TMCO4: variants seen among roughly 807,000 people sequenced by gnomAD.
The protein encoded by TMCO4 is transmembrane and coiled-coil domain-containing protein 4.
In TMCO4, 58 loss-of-function variants were observed where a neutral mutation model predicts 64.7. The ratio of observed to expected loss-of-function variants is 0.90; its 90% confidence interval spans 0.73 to 1.12. The LOEUF (loss-of-function observed/expected upper bound fraction) is 1.12, where lower values mean the gene tolerates loss of function less well. Among genes scored for constraint, TMCO4 ranks in the 50% most tolerant of loss-of-function variants. The probability of loss-of-function intolerance (pLI) is 0.00; values close to 1 mark genes in which losing one functional copy is unlikely to be tolerated. For synonymous variants in TMCO4, 325 were observed against 346.1 expected (o/e 0.94, Z 0.68); for missense variants, 780 against 825.9 (o/e 0.94, Z 0.68).
Position 19,750,425 on chromosome 1 carries a change from G to A in TMCO4, c.516-3165C>T, listed in dbSNP as rs556708588. ...GCTCAGCTCTGCCATGAACTTGCTG[G>A]ATCATCTAATTTTTCTGAGTGTTGA... On this transcript the variant is annotated intron_variant, in intron 7 of 15. Transcript: ENST00000294543. 3 of 152,286 alleles carry A rather than the reference G, an allele frequency of 2.0e-5. No individual in the cohort carries two copies. The East Asian group carries it at 5.8e-4, about 29-fold the overall frequency. 9.4% of individuals were successfully genotyped at this position (152,286 alleles called of 1,614,324 possible). A position where few individuals can be genotyped will look rare whatever the true frequency, so the allele number is the denominator to read the frequency against.
At chr1:19,762,299 A>C (rs1359208447) in intron 6 of TMCO4, among the ~76,000 whole-genome samples, 1 of 152,180 alleles carries the variant, frequency 6.6e-6, no homozygotes, top group East Asian at 1.9e-4. Context: ...AGGCACACCT[A>C]AAAGTTACGT....
At position 19,694,470 on chromosome 1, in the gene TMCO4, C is replaced by T. The variant is rs758645418; in HGVS notation, c.1464G>A (p.Gln488=). 6.2e-7 allele frequency: 1 copy of T among 1,614,054 alleles called. No individual in the cohort carries two copies. Among genetic ancestry groups the T allele is most frequent in the East Asian group, 2.2e-5 (1 of 44,900 alleles). ...GGTCCACGTTCTCCACCCTCCTGTC[C>T]TGCAGCAGCACGGGCTGTAGGCCGG... The part of the protein sequence containing the change: ...RVAGLQPVLL[Q]DRRVENVDLT... The change falls in exon 15 of 16, where the codon CAG becomes CAA. Residue 488 remains glutamine, a synonymous_variant. Coordinates refer to ENST00000294543, the MANE Select transcript of TMCO4 (RefSeq NM_181719.7).
rs2042215974 is a variant in TMCO4, at chr1:19,755,633, C to T, written c.515+1G>A. On this transcript the variant is annotated splice_donor_variant, in intron 7 of 15. Transcript: ENST00000294543. LOFTEE classifies it high-confidence loss of function. ...TGATGGGGGTCGCGGGGCTCTCTTACTCAGATTCCTCTTCTTTGATTTCCT... is the reference window on the plus strand; with the variant it reads ...TGATGGGGGTCGCGGGGCTCTCTTATTCAGATTCCTCTTCTTTGATTTCCT... 6.2e-7 allele frequency: 1 copy of T among 1,613,878 alleles called. No homozygotes were observed. Among genetic ancestry groups the T allele is most frequent in the South Asian group, 1.1e-5 (1 of 91,076 alleles).
At chr1:19,703,751 T>C (rs1284504429) in intron 13 of TMCO4, among the ~76,000 whole-genome samples, 1 of 152,088 alleles carries the variant, frequency 6.6e-6, no homozygotes, top group East Asian at 1.9e-4. Flanking sequence ...TTTCACCACG[T>C]TGGCCAGGCT....
chr1:19,747,403 C>A, intron 7 of TMCO4, 143 bp from the exon 8 acceptor site: 1 of 727,628 alleles, frequency 1.4e-6, no homozygotes, highest in South Asian at 1.6e-5. Context: ...ACCTTGAGCC[C>A]ACTGATGGTT....
At chr1:19,755,983 A>G (rs1211604317) in intron 6 of TMCO4, among the ~76,000 whole-genome samples, 2 of 152,080 alleles carry the variant, frequency 1.3e-5, no homozygotes, top group Admixed American at 1.3e-4. Context: ...ACGGTGGCTC[A>G]CTCCTGTAAT....
rs903304273 is a variant in TMCO4, at chr1:19,734,722, G to T, written c.1264+2650C>A. ...TGGAATGCCCTGCCCTAGTCCAGCTGCCGTCTGCCAAATACAGCATAGTGG... is the reference window on the plus strand; with the variant it reads ...TGGAATGCCCTGCCCTAGTCCAGCTTCCGTCTGCCAAATACAGCATAGTGG... On this transcript the variant is annotated intron_variant, in intron 13 of 15. Coordinates refer to ENST00000294543, the MANE Select transcript of TMCO4 (RefSeq NM_181719.7). The surrounding 1 kb of genome is among the most constrained non-coding windows in gnomAD (Gnocchi z 4.4). Among the ~76,000 whole-genome samples the T allele has an allele frequency of 1.3e-5, 2 of 152,136 alleles. No homozygotes were observed. Among genetic ancestry groups the T allele is most frequent in the African/African-American group, 4.8e-5 (2 of 41,436 alleles).
chr1:19,723,071 T>A (rs1338215950), intron 13 of TMCO4, among the ~76,000 whole-genome samples: 3 of 152,224 alleles, frequency 2.0e-5, no homozygotes, highest in Non-Finnish European at 4.4e-5. Flanking sequence ...GGCAAGTCGC[T>A]GGAGGAGGTT....
intron 7 of TMCO4, among the ~76,000 whole-genome samples, chr1:19,747,668 T>A (rs2041852511): frequency 6.6e-6 from 1 of 151,902 alleles, no homozygotes; most frequent in Admixed American, 6.6e-5. Flanking sequence ...CCCACCTCCC[T>A]CTGGGATATT....
chr1:19,791,320 A>C (rs2044023153), intron 2 of TMCO4, among the ~76,000 whole-genome samples: 1 of 151,148 alleles, frequency 6.6e-6, no homozygotes, highest in Admixed American at 6.6e-5. Flanking sequence ...TAAAATTAAA[A>C]TTAAAATTAA....
At chr1:19,780,403 C>G (rs1318776774) in intron 4 of TMCO4, among the ~76,000 whole-genome samples, 177 bp downstream of exon 4, 2 of 152,204 alleles carry the variant, frequency 1.3e-5, no homozygotes, top group African/African-American at 4.8e-5. Context: ...AGGTTCCTAA[C>G]AGGCTACAGA....
chr1:19,735,236 T>C (rs183890482), intron 13 of TMCO4, among the ~76,000 whole-genome samples: 142 of 152,296 alleles, frequency 9.3e-4, no homozygotes, highest in African/African-American at 3.1e-3. Context: ...GTACCCAAAC[T>C]GGGGCCAGGA....
Position 19,732,560 on chromosome 1 carries a change from T to C in TMCO4, c.1264+4812A>G, listed in dbSNP as rs1329188982. ...TCAATGAGGCAGGGATGGGATGTTATGAAATAAGGAGGGAAACTATCAGGC... is the reference window on the plus strand; with the variant it reads ...TCAATGAGGCAGGGATGGGATGTTACGAAATAAGGAGGGAAACTATCAGGC... On this transcript the variant is annotated intron_variant, in intron 13 of 15. Coordinates refer to ENST00000294543, the MANE Select transcript of TMCO4 (RefSeq NM_181719.7). The surrounding 1 kb of genome is among the most constrained non-coding windows in gnomAD (Gnocchi z 4.8). Among the ~76,000 whole-genome samples, 1 of 152,062 alleles carries C rather than the reference T, an allele frequency of 6.6e-6. No homozygotes were observed. Among genetic ancestry groups the C allele is most frequent in the Non-Finnish European group, 1.5e-5 (1 of 68,032 alleles).
chr1:19,720,981 G>A (rs75039223), intron 13 of TMCO4, among the ~76,000 whole-genome samples: 8,308 of 152,194 alleles, frequency 0.055, 693 homozygotes, highest in East Asian at 0.46. Flanking sequence ...ATTACAGAGT[G>A]CTGGGAACTG....
intron 15 of TMCO4, among the ~76,000 whole-genome samples, chr1:19,686,366 A>G (rs2095149800): frequency 1.3e-5 from 2 of 152,176 alleles, no homozygotes; most frequent in South Asian, 4.1e-4. Context: ...GACAGGAAAA[A>G]CACCAGGGAG....
intron 6 of TMCO4, among the ~76,000 whole-genome samples, chr1:19,760,582 A>AAT (rs905459852): frequency 5.9e-5 from 9 of 152,014 alleles, no homozygotes; most frequent in African/African-American, 1.2e-4. Flanking sequence ...ATGCTCTGAT[A>AAT]ATATATATAT....
intron 7 of TMCO4, among the ~76,000 whole-genome samples, chr1:19,753,620 A>G (rs997426323): frequency 1.3e-5 from 2 of 152,208 alleles, no homozygotes; most frequent in African/African-American, 4.8e-5. Context: ...TTTACGTATC[A>G]TTCAATCCCT....
At chr1:19,689,854 T>C (rs562142042) in intron 15 of TMCO4, among the ~76,000 whole-genome samples, 1 of 152,322 alleles carries the variant, frequency 6.6e-6, no homozygotes, top group African/African-American at 2.4e-5. Context: ...AGGCATCAGC[T>C]CTGAGCCCTG....
At chr1:19,778,485 G>T (rs192451772) in intron 4 of TMCO4, among the ~76,000 whole-genome samples, 1 of 152,166 alleles carries the variant, frequency 6.6e-6, no homozygotes, top group Non-Finnish European at 1.5e-5. Flanking sequence ...TGTTGACCAG[G>T]CTGGTCTCAA....
Sources: allele counts gnomAD v4.1 joint callset (sites outside exome capture counted in the v4.1 genomes callset), GRCh38; gene constraint gnomAD v4.1.1; non-coding constraint Gnocchi (gnomAD v3.1); transcripts MANE v1.5; gene names NCBI Gene and HGNC (gene_info 2026-07-23, HGNC 2026-07-21).